GLUL: variants seen among roughly 807,000 people sequenced by gnomAD.
GLUL encodes the protein glutamine synthetase.
In GLUL, 8 loss-of-function variants were observed where a neutral mutation model predicts 36.9. The observed-to-expected ratio is 0.22, with a 90% confidence interval of 0.13 to 0.39. The LOEUF (loss-of-function observed/expected upper bound fraction) is 0.39, where lower values mean the gene tolerates loss of function less well. Ranked by LOEUF, GLUL falls within the 10% of genes least tolerant of loss-of-function variation. The pLI is 1.00. For synonymous variants in GLUL, 182 were observed against 172.8 expected, an observed-to-expected ratio of 1.05 and a Z score of -0.42; for missense variants, 315 against 501.8, an observed-to-expected ratio of 0.63 and a Z score of 3.56.
Position 182,378,206 on chromosome 1 carries a change from G to A in GLUL, c.*6199C>T, listed in dbSNP as rs371200371. 2.6e-5 allele frequency among the ~76,000 whole-genome samples: 4 copies of A among 152,250 alleles called. No homozygotes were observed. Among genetic ancestry groups the A allele is most frequent in the East Asian group, 3.9e-4 (2 of 5,188 alleles). ...TTTAACTAATAGATCTGCTGACTAC[G>A]CCGTACAGTGGAGGAAACACGCTGC... On this transcript the variant is annotated 3_prime_UTR_variant, in exon 7 of 7. Coordinates refer to ENST00000331872, the MANE Select transcript of GLUL (RefSeq NM_001033044.4).
At chr1:182,391,142 G>C in intron 1 of GLUL, 1 of 398,552 alleles carries the variant, frequency 2.5e-6, no homozygotes, top group Non-Finnish European at 4.4e-6. Context: ...CCGGGACCCC[G>C]AGGCGGGAGC....
chr1:182,388,561 T>G lies in GLUL; in HGVS notation c.166+11A>C. 6.2e-7 allele frequency: 1 copy of G among 1,613,288 alleles called. No individual in the cohort carries two copies. The highest frequency in any genetic ancestry group is 2.2e-5 in the East Asian group (1 of 44,866). On this transcript the variant is annotated intron_variant, in intron 2 of 6. Coordinates refer to ENST00000331872, the MANE Select transcript of GLUL (RefSeq NM_001033044.4). ...ACCCAGCATGTGCTCCACTCCACAT[T>G]GCTGTCTCACCTTCCACACACTTGG...
chr1:182,386,987 G>T (rs1400314891), intron 3 of GLUL, 144 bp downstream of exon 3: 1 of 740,920 alleles, frequency 1.3e-6, no homozygotes, highest in African/African-American at 1.7e-5. Context: ...CAAAGCAGAA[G>T]TTCAGGGAAA....
At chr1:182,384,920 A>G (rs939712321) in intron 6 of GLUL, 197 bp from the exon 7 acceptor site, 7 of 616,660 alleles carry the variant, frequency 1.1e-5, no homozygotes, top group Non-Finnish European at 2.9e-6. Flanking sequence ...AAGACTAATC[A>G]TTTGAAACTT....
In GLUL at chr1:182,381,584, G is replaced by T. The variant is rs148588997; in HGVS notation, c.*2821C>A. 1 of 152,278 alleles carries T rather than the reference G, an allele frequency of 6.6e-6. No individual in the cohort carries two copies. Among genetic ancestry groups the T allele is most frequent in the African/African-American group, 2.4e-5 (1 of 41,548 alleles). The allele number at this position is 152,278 out of a possible 1,614,324, so 9.4% of individuals were successfully genotyped here. On this transcript the variant is annotated 3_prime_UTR_variant, in exon 7 of 7. Transcript: ENST00000331872. Reference sequence around the variant, plus strand: ...AGGTCAAAGCTAATTCTAGGTGAGAGGGTGAAGAAACAAATATGCTGGTTG... The same window carrying T: ...AGGTCAAAGCTAATTCTAGGTGAGATGGTGAAGAAACAAATATGCTGGTTG...
intron 4 of GLUL, 106 bp downstream of exon 4, chr1:182,386,150 A>T: frequency 8.7e-7 from 1 of 1,151,448 alleles, no homozygotes; most frequent in Non-Finnish European, 1.3e-6. Context: ...CCTTTACTGT[A>T]TTATTTTGCT....
chr1:182,384,854 T>C, intron 6 of GLUL, 131 bp from the exon 7 acceptor site: 1 of 741,508 alleles, frequency 1.3e-6, no homozygotes, highest in South Asian at 1.4e-5. Context: ...CTTACCTGTG[T>C]GTCTCAGTGG....
intron 1 of GLUL, 109 bp from the exon 2 acceptor site, chr1:182,388,859 C>T: frequency 1.2e-6 from 1 of 832,448 alleles, no homozygotes. Context: ...TAAGTGCCAA[C>T]TCCTTCCCTT....
Position 182,384,311 on chromosome 1 carries a change from C to G in GLUL, c.*94G>C, listed in dbSNP as rs1571403808. ...GAAAAAAACGACCTTGATATTCCAC[C>G]CTTTGAGTTACAATCGGGACAACTG... On this transcript the variant is annotated 3_prime_UTR_variant, in exon 7 of 7. Coordinates refer to ENST00000331872, the MANE Select transcript of GLUL (RefSeq NM_001033044.4). 2 of 878,488 alleles carry G rather than the reference C, an allele frequency of 2.3e-6. No individual in the cohort carries two copies. The highest frequency in any genetic ancestry group is 3.8e-6 in the Non-Finnish European group (2 of 529,870). The allele number at this position is 878,488 out of a possible 1,614,324, so 54.4% of individuals were successfully genotyped here.
Position 182,387,398 on chromosome 1 carries a change from T to C in GLUL, c.167-106A>G. 4 of 838,032 alleles carry C rather than the reference T, an allele frequency of 4.8e-6. No homozygotes were observed. In the East Asian group the frequency reaches 1.0e-4, roughly 21 times the overall value. The allele number at this position is 838,032 out of a possible 1,614,324, so 51.9% of individuals were successfully genotyped here. On this transcript the variant is annotated intron_variant, in intron 2 of 6. Coordinates refer to ENST00000331872, the MANE Select transcript of GLUL (RefSeq NM_001033044.4). Reference sequence around the variant, plus strand: ...ACCTTCCCATCTCTAAATATCTCTTTTCCAGGAATTCATTAAGGTATAAAT... The same window carrying C: ...ACCTTCCCATCTCTAAATATCTCTTCTCCAGGAATTCATTAAGGTATAAAT...
Position 182,391,227 on chromosome 1 carries a change from G to T in GLUL, c.-14+452C>A, listed in dbSNP as rs548408695. On this transcript the variant is annotated intron_variant, in intron 1 of 6. Coordinates refer to ENST00000331872, the MANE Select transcript of GLUL (RefSeq NM_001033044.4). ...AACCATCGCCAGAACCAGGACGATT[G>T]CTCCGAAGGCCCCACCACGAGGAAG... The T allele has an allele frequency of 1.5e-5, 6 of 398,746 alleles. No individual in the cohort carries two copies. In the South Asian group the frequency reaches 7.6e-4, roughly 51 times the overall value. The allele number at this position is 398,746 out of a possible 1,614,324, so 24.7% of individuals were successfully genotyped here. A position where few individuals can be genotyped will look rare whatever the true frequency, so the allele number is the denominator to read the frequency against.
In GLUL at chr1:182,378,252, A is replaced by C. The variant is rs563118836; in HGVS notation, c.*6153T>G. 6.6e-6 allele frequency among the ~76,000 whole-genome samples: 1 copy of C among 152,338 alleles called. No individual in the cohort carries two copies. The highest frequency in any genetic ancestry group is 2.4e-5 in the African/African-American group (1 of 41,572). ...GCTGCAATCTCAAGACAATGCAGGTAACTCAATCTGAAATCCATCAAAAAG... is the reference window on the plus strand; with the variant it reads ...GCTGCAATCTCAAGACAATGCAGGTCACTCAATCTGAAATCCATCAAAAAG... On this transcript the variant is annotated 3_prime_UTR_variant, in exon 7 of 7. Coordinates refer to ENST00000331872, the MANE Select transcript of GLUL (RefSeq NM_001033044.4).
At chr1:182,385,098 A>G in intron 6 of GLUL, 1 of 298,684 alleles carries the variant, frequency 3.3e-6, no homozygotes, top group South Asian at 4.4e-5. Flanking sequence ...ACTAATATAT[A>G]TTATATAAAT....
Position 182,380,987 on chromosome 1 carries a change from C to T in GLUL, c.*3418G>A, listed in dbSNP as rs1255392811. ...GCCCTAGGCCGGGTGCAGTGGCTCA[C>T]GCCTGTAATCCCAGCACTTTGGGAG... is the stretch of plus-strand genomic sequence containing the variant. On this transcript the variant is annotated 3_prime_UTR_variant, in exon 7 of 7. Transcript: ENST00000331872. 6.6e-6 allele frequency among the ~76,000 whole-genome samples: 1 copy of T among 152,226 alleles called. No homozygotes were observed. The highest frequency in any genetic ancestry group is 1.9e-4 in the East Asian group (1 of 5,196).
intron 1 of GLUL, chr1:182,390,487 CCTCA>C (rs1650362752): frequency 1.3e-5 from 5 of 399,118 alleles, no homozygotes; most frequent in East Asian, 7.1e-5. Flanking sequence ...CTCCCTGCCC[CCTCA>C]CTCACCCCAG....
chr1:182,385,422 G>A lies in GLUL; in HGVS notation c.738C>T (p.Asn246=). The A allele has an allele frequency of 6.2e-7, 1 of 1,613,824 alleles. No homozygotes were observed. The highest frequency in any genetic ancestry group is 1.3e-5 in the African/African-American group (1 of 75,018). ...TGGTATGGCAGCCTGCACCATTCCA[G>A]TTCCCAGGAATGGGCTTAGGATCAA... The part of the protein sequence containing the change: ...ATFDPKPIPG[N]WNGAGCHTNF... The change falls in exon 6 of 7, where the codon AAC becomes AAT. Residue 246 remains asparagine, a synonymous_variant. Transcript: ENST00000331872.
rs559178277 is a variant in GLUL, at chr1:182,385,027, C to T, written c.804-304G>A. 44 of 361,448 alleles carry T rather than the reference C, an allele frequency of 1.2e-4. No individual in the cohort carries two copies. The East Asian group carries it at 2.2e-3, about 18-fold the overall frequency. The allele number at this position is 361,448 out of a possible 1,614,324, so 22.4% of individuals were successfully genotyped here. Reference sequence around the variant, plus strand: ...AATGCATGAATTTGTCAACTTTTCCCTGTCACCATGACATATGTCACAAAT... The same window carrying T: ...AATGCATGAATTTGTCAACTTTTCCTTGTCACCATGACATATGTCACAAAT... On this transcript the variant is annotated intron_variant, in intron 6 of 6. Coordinates refer to ENST00000331872, the MANE Select transcript of GLUL (RefSeq NM_001033044.4).
chr1:182,391,225 T>C (rs1033458419), intron 1 of GLUL: 18 of 398,536 alleles, frequency 4.5e-5, no homozygotes, highest in African/African-American at 3.1e-4. Context: ...ACCAGGACGA[T>C]TGCTCCGAAG....
chr1:182,389,034 C>T, intron 1 of GLUL: 1 of 387,852 alleles, frequency 2.6e-6, no homozygotes. Flanking sequence ...TTGGTAGTAA[C>T]TCAATGCCTC....
Sources: allele counts gnomAD v4.1 joint callset (sites outside exome capture counted in the v4.1 genomes callset), GRCh38; gene constraint gnomAD v4.1.1; transcripts MANE v1.5; gene names NCBI Gene and HGNC (gene_info 2026-07-23, HGNC 2026-07-21).